AFF1: variants seen among roughly 807,000 people sequenced by gnomAD.
The protein encoded by AFF1 is AF4/FMR2 family member 1.
In AFF1, 48 loss-of-function variants were observed where a neutral mutation model predicts 121.7. That is an observed-to-expected ratio of 0.39 (90% CI 0.31 to 0.50). AFF1 has a LOEUF of 0.50. Ranked by LOEUF, AFF1 falls within the 20% of genes least tolerant of loss-of-function variation. AFF1 has a pLI of 0.76. For synonymous variants in AFF1, 613 were observed against 563.0 expected (o/e 1.09, Z -1.26); for missense variants, 1,523 against 1,511.7 (o/e 1.01, Z -0.12).
At chr4:87,070,905 T>A (rs1462464371) in intron 4 of AFF1, among the ~76,000 whole-genome samples, 9 of 152,230 alleles carry the variant, frequency 5.9e-5, no homozygotes, top group Non-Finnish European at 5.9e-5. Context: ...GTGTTTCCAC[T>A]TTTTACTCCC....
At chr4:87,030,715 A>G (rs993650729) in intron 2 of AFF1, among the ~76,000 whole-genome samples, 6 of 151,904 alleles carry the variant, frequency 3.9e-5, no homozygotes, top group Admixed American at 1.3e-4. Context: ...ACAGAATGAT[A>G]TGTGGAAGTC....
intron 4 of AFF1, among the ~76,000 whole-genome samples, chr4:87,054,777 T>A (rs1228289076): frequency 6.6e-6 from 1 of 152,204 alleles, no homozygotes; most frequent in African/African-American, 2.4e-5. Context: ...ATAGAAGTTT[T>A]AAAATAGTGA....
intron 2 of AFF1, among the ~76,000 whole-genome samples, chr4:87,042,811 A>C (rs1197122102): frequency 6.6e-6 from 1 of 152,234 alleles, no homozygotes; most frequent in Non-Finnish European, 1.5e-5. Context: ...AGTGTTAGGA[A>C]TTCTGTGAAA....
At chr4:87,077,770 G>A (rs996621117) in intron 4 of AFF1, among the ~76,000 whole-genome samples, 3 of 151,992 alleles carry the variant, frequency 2.0e-5, no homozygotes, top group African/African-American at 7.3e-5. Context: ...TCTAAACAAT[G>A]TATCTTGGAG....
chr4:87,109,460 A>T (rs937999559), intron 11 of AFF1, among the ~76,000 whole-genome samples: 1 of 152,196 alleles, frequency 6.6e-6, no homozygotes, highest in Admixed American at 6.5e-5. Flanking sequence ...TGCCTTTCAG[A>T]TTTTAGAAAC....
chr4:87,029,964 AAG>A (rs1455032754), intron 2 of AFF1, among the ~76,000 whole-genome samples: 2 of 152,222 alleles, frequency 1.3e-5, no homozygotes, highest in Non-Finnish European at 2.9e-5. Context: ...CTTTTGGAAT[AAG>A]GGGGAAAGAC....
At chr4:87,111,033 A>T (rs1417503755) in intron 11 of AFF1, among the ~76,000 whole-genome samples, 2 of 22,982 alleles carry the variant, frequency 8.7e-5, no homozygotes, top group Admixed American at 6.1e-4. Context: ...TTTGAGACGG[A>T]GTCTCGCTCT....
intron 4 of AFF1, among the ~76,000 whole-genome samples, chr4:87,055,131 A>G (rs1719974419): frequency 6.6e-6 from 1 of 152,310 alleles, no homozygotes; most frequent in African/African-American, 2.4e-5. Context: ...ACATGGCAGC[A>G]TGCTTGGCTG....
intron 2 of AFF1, among the ~76,000 whole-genome samples, chr4:87,042,972 A>G (rs1035561467): frequency 3.3e-5 from 5 of 152,334 alleles, no homozygotes; most frequent in African/African-American, 7.2e-5. Flanking sequence ...TTAGTAATGT[A>G]ACTTCGTTAA....
intron 1 of AFF1, among the ~76,000 whole-genome samples, chr4:86,938,007 T>C (rs1331007116): frequency 6.6e-6 from 1 of 152,194 alleles, no homozygotes; most frequent in Non-Finnish European, 1.5e-5. Flanking sequence ...GGTAAACTTG[T>C]TTTCAATATT....
intron 6 of AFF1, 151 bp downstream of exon 6, chr4:87,090,221 A>G (rs935322684): frequency 1.6e-5 from 9 of 568,252 alleles, no homozygotes; most frequent in African/African-American, 1.1e-4. Context: ...GTGCTTCAGA[A>G]TGCTTTCAAA....
intron 2 of AFF1, among the ~76,000 whole-genome samples, chr4:87,041,207 A>G (rs1730110982): frequency 6.6e-6 from 1 of 152,142 alleles, no homozygotes; most frequent in Non-Finnish European, 1.5e-5. Flanking sequence ...GCTTTCGTTC[A>G]GTTGGAAAAT....
intron 2 of AFF1, among the ~76,000 whole-genome samples, chr4:87,027,872 C>T (rs911946821): frequency 7.2e-6 from 1 of 139,738 alleles, no homozygotes; most frequent in Admixed American, 7.9e-5. Flanking sequence ...TGGCCCATTG[C>T]AACCTCTGCC....
intron 5 of AFF1, among the ~76,000 whole-genome samples, chr4:87,085,801 G>A (rs1007188306): frequency 2.7e-5 from 4 of 150,502 alleles, no homozygotes; most frequent in Admixed American, 1.3e-4. Flanking sequence ...CAGGCTGGGC[G>A]TGACCTTGGC....
chr4:86,938,449 CAAA>C (rs35867614), intron 1 of AFF1, among the ~76,000 whole-genome samples: 8 of 100,072 alleles, frequency 8.0e-5, no homozygotes, highest in African/African-American at 1.5e-4. Context: ...GACTCCGTCT[CAAA>C]AAAAAAAAAA....
intron 2 of AFF1, among the ~76,000 whole-genome samples, chr4:87,004,032 G>A (rs1725911588): frequency 6.6e-6 from 1 of 152,188 alleles, no homozygotes; most frequent in Non-Finnish European, 1.5e-5. Flanking sequence ...CAGACCACAA[G>A]CATCACCTGG....
At chr4:87,001,167 T>C (rs1002259538) in intron 2 of AFF1, among the ~76,000 whole-genome samples, 8 of 151,210 alleles carry the variant, frequency 5.3e-5, no homozygotes, top group Non-Finnish European at 1.5e-5. Flanking sequence ...CATTTTAATA[T>C]TGATTTGGGG....
At chr4:87,098,832 G>A (rs1173767452) in intron 8 of AFF1, among the ~76,000 whole-genome samples, 3 of 152,222 alleles carry the variant, frequency 2.0e-5, no homozygotes, top group African/African-American at 7.2e-5. Flanking sequence ...GATTGGGATT[G>A]TCCCTCGAGT....
intron 4 of AFF1, chr4:87,049,577 G>GTT (rs565714120): frequency 1.1e-4 from 39 of 360,518 alleles, no homozygotes; most frequent in South Asian, 2.1e-4. Context: ...GAAGAATGGG[G>GTT]TTTTTTTTTT....
Sources: allele counts gnomAD v4.1 joint callset (sites outside exome capture counted in the v4.1 genomes callset), GRCh38; gene constraint gnomAD v4.1.1; transcripts MANE v1.5; gene names NCBI Gene and HGNC (gene_info 2026-07-23, HGNC 2026-07-21).